The following RTN1 variants were observed in gnomAD, a reference collection of about 807,000 sequenced individuals.
RTN1 encodes reticulon-1.
RTN1 carries 25 observed loss-of-function variants against 65.5 expected under a neutral mutation model. The ratio of observed to expected loss-of-function variants is 0.38; its 90% CI spans 0.28 to 0.53. The LOEUF is 0.53. Ranked by LOEUF, RTN1 falls within the 20% of genes least tolerant of loss-of-function variation. The probability of loss-of-function intolerance (pLI) is 0.79; values close to 1 mark genes in which losing one functional copy is unlikely to be tolerated. For synonymous variants in RTN1, 471 were observed against 447.6 expected (o/e 1.05, Z -0.66); for missense variants, 983 against 1,025.4 (o/e 0.96, Z 0.57).
intron 1 of RTN1, among the ~76,000 whole-genome samples, chr14:59,834,794 C>T (rs1452719973): frequency 2.6e-5 from 4 of 152,152 alleles, no homozygotes; most frequent in Non-Finnish European, 4.4e-5. Flanking sequence ...CAAGTTAAAA[C>T]CACAGTGAAA....
At chr14:59,740,058 G>A (rs561488853) in intron 2 of RTN1, among the ~76,000 whole-genome samples, 1 of 152,290 alleles carries the variant, frequency 6.6e-6, no homozygotes, top group South Asian at 2.1e-4. Flanking sequence ...CCCCTAGGCA[G>A]CCTTGTATTT....
intron 3 of RTN1, among the ~76,000 whole-genome samples, chr14:59,693,298 A>T (rs777847555): frequency 6.6e-6 from 1 of 152,250 alleles, no homozygotes; most frequent in Non-Finnish European, 1.5e-5. Context: ...TAATATAAGC[A>T]GACATTTCTA....
At chr14:59,719,985 G>A (rs545492579) in intron 3 of RTN1, among the ~76,000 whole-genome samples, 42 of 152,232 alleles carry the variant, frequency 2.8e-4, no homozygotes, top group African/African-American at 9.9e-4. Context: ...CAAGTTTAAG[G>A]TTGACTCGAT....
At chr14:59,750,290 A>ATT (rs1885453438) in intron 1 of RTN1, among the ~76,000 whole-genome samples, 3 of 19,252 alleles carry the variant, frequency 1.6e-4, no homozygotes, top group African/African-American at 5.5e-4. Context: ...TAATATATAT[A>ATT]ATATCTATAA....
intron 1 of RTN1, among the ~76,000 whole-genome samples, chr14:59,810,879 T>C (rs1886716414): frequency 6.6e-6 from 1 of 152,096 alleles, no homozygotes; most frequent in South Asian, 2.1e-4. Context: ...CCAAACATAG[T>C]TGGAGCAGTA....
chr14:59,672,681 C>T (rs374053645), intron 3 of RTN1, among the ~76,000 whole-genome samples: 87 of 130,634 alleles, frequency 6.7e-4, no homozygotes, highest in African/African-American at 2.1e-3. Flanking sequence ...TCGCCCAGGC[C>T]GGACTGCGGA....
At chr14:59,711,324 C>G (rs530478008) in intron 3 of RTN1, among the ~76,000 whole-genome samples, 1 of 152,194 alleles carries the variant, frequency 6.6e-6, no homozygotes, top group East Asian at 1.9e-4. Context: ...AGCTGAACCT[C>G]AGAAAGCATC....
chr14:59,681,267 A>G (rs531975371), intron 3 of RTN1, among the ~76,000 whole-genome samples: 6 of 152,200 alleles, frequency 3.9e-5, no homozygotes, highest in Non-Finnish European at 7.4e-5. Context: ...ACATATGAAC[A>G]TATATTTCCT....
chr14:59,616,540 T>A (rs947831388), intron 3 of RTN1, among the ~76,000 whole-genome samples: 13 of 152,330 alleles, frequency 8.5e-5, no homozygotes, highest in Non-Finnish European at 8.8e-5. Context: ...ATATAAATGT[T>A]ATTAGTATGT....
chr14:59,752,272 A>T (rs944294150), intron 1 of RTN1, among the ~76,000 whole-genome samples: 14 of 152,120 alleles, frequency 9.2e-5, no homozygotes. Flanking sequence ...TCAAGGTGCC[A>T]GTGGATTTAG....
intron 3 of RTN1, among the ~76,000 whole-genome samples, chr14:59,705,420 G>C (rs1884270279): frequency 6.6e-6 from 1 of 152,138 alleles, no homozygotes. Flanking sequence ...TCTCCCACTG[G>C]TGTACTAGCT....
chr14:59,630,348 T>C (rs1882511308), intron 3 of RTN1: 1 of 1,499,822 alleles, frequency 6.7e-7, no homozygotes, highest in Non-Finnish European at 9.3e-7. Flanking sequence ...GTATAAAGCA[T>C]GCACAGGTCC....
intron 3 of RTN1, among the ~76,000 whole-genome samples, chr14:59,615,502 G>C (rs991058801): frequency 1.3e-5 from 2 of 152,120 alleles, no homozygotes; most frequent in Admixed American, 1.3e-4. Flanking sequence ...CTGATGTGGG[G>C]CCTGAATCTG....
At chr14:59,692,065 C>G (rs951904363) in intron 3 of RTN1, among the ~76,000 whole-genome samples, 1 of 151,940 alleles carries the variant, frequency 6.6e-6, no homozygotes, top group Non-Finnish European at 1.5e-5. Context: ...CAATATAGTA[C>G]TGGAAGTACT....
rs1409408227 is a variant in RTN1 at position 59,829,286 on chromosome 14, A to G, written c.241+41104T>C. On this transcript the variant is annotated intron_variant, in intron 1 of 8. Coordinates refer to ENST00000267484, the MANE Select transcript of RTN1 (RefSeq NM_021136.3). The surrounding 1 kb of genome is among the most constrained non-coding windows in gnomAD (Gnocchi z 4.3). The stretch of plus-strand genomic sequence containing the variant: ...AAATATACATGAGTATAATACAGGG[A>G]AAAACATGCTGTTGCACAAAAGTGG... Among the ~76,000 whole-genome samples, 3 of 152,342 alleles carry G rather than the reference A, an allele frequency of 2.0e-5. No homozygotes were observed. Among genetic ancestry groups the G allele is most frequent in the South Asian group, 2.1e-4 (1 of 4,830 alleles).
intron 3 of RTN1, among the ~76,000 whole-genome samples, chr14:59,665,980 G>T (rs945490106): frequency 6.6e-6 from 1 of 151,972 alleles, no homozygotes; most frequent in Non-Finnish European, 1.5e-5. Flanking sequence ...AGACGCCCAC[G>T]CAATAATAAT....
intron 2 of RTN1, among the ~76,000 whole-genome samples, chr14:59,731,027 T>C (rs1457617777): frequency 2.0e-5 from 3 of 152,154 alleles, no homozygotes; most frequent in Admixed American, 2.0e-4. Flanking sequence ...AATGAAAGTA[T>C]ATGTCCACAC....
chr14:59,815,562 G>T (rs1254541612), intron 1 of RTN1, among the ~76,000 whole-genome samples: 2 of 152,158 alleles, frequency 1.3e-5, no homozygotes, highest in African/African-American at 4.8e-5. Flanking sequence ...TACTTTCTCA[G>T]TCTGACCGAA....
At chr14:59,624,200 TAAAGA>T (rs1882330993) in intron 3 of RTN1, among the ~76,000 whole-genome samples, 1 of 152,240 alleles carries the variant, frequency 6.6e-6, no homozygotes, top group Non-Finnish European at 1.5e-5. Context: ...AGCTTGAACT[TAAAGA>T]TATAGCTCAA....
Sources: allele counts gnomAD v4.1 joint callset (sites outside exome capture counted in the v4.1 genomes callset), GRCh38; gene constraint gnomAD v4.1.1; non-coding constraint Gnocchi (gnomAD v3.1); transcripts MANE v1.5; gene names NCBI Gene and HGNC (gene_info 2026-07-23, HGNC 2026-07-21).